Variants in ERC1 observed in about 807,000 individuals in gnomAD.
The protein encoded by ERC1 is RAB6 interacting protein 2.
A neutral mutation model predicts 132.0 loss-of-function variants in ERC1; 56 were observed. The ratio of observed to expected loss-of-function variants is 0.42; its 90% CI spans 0.34 to 0.53. ERC1 has a LOEUF of 0.53. Among genes scored for constraint, ERC1 ranks in the 20% least tolerant of loss-of-function variants. The pLI, the probability that ERC1 is intolerant of heterozygous loss-of-function variation, is 0.03. For missense variants in ERC1, 1,202 were observed against 1,349.9 expected, an observed-to-expected ratio of 0.89 and a Z score of 1.72; for synonymous variants, 478 against 476.1, an observed-to-expected ratio of 1.00 and a Z score of -0.05.
chr12:1,180,215 G>T (rs1213554768), intron 8 of ERC1, among the ~76,000 whole-genome samples: 1 of 151,606 alleles, frequency 6.6e-6, no homozygotes, highest in African/African-American at 2.4e-5. Context: ...CTCTATACTG[G>T]ATCTTTTCTG....
At chr12:1,052,635 T>G (rs1972220448) in intron 2 of ERC1, among the ~76,000 whole-genome samples, 1 of 152,154 alleles carries the variant, frequency 6.6e-6, no homozygotes, top group Non-Finnish European at 1.5e-5. Flanking sequence ...GATTGTATAC[T>G]CCATCTGAGA....
chr12:1,226,466 T>C (rs2074580897), intron 12 of ERC1, among the ~76,000 whole-genome samples: 1 of 152,180 alleles, frequency 6.6e-6, no homozygotes, highest in Non-Finnish European at 1.5e-5. Flanking sequence ...AAATTTCAAG[T>C]GCGCCGAACA....
chr12:1,084,109 C>T (rs972583827), intron 3 of ERC1, among the ~76,000 whole-genome samples: 4 of 152,174 alleles, frequency 2.6e-5, no homozygotes, highest in African/African-American at 9.7e-5. Context: ...GGAGGCATAG[C>T]TGGAGAGAGT....
At chr12:1,388,655 T>C (rs2089653841) in intron 16 of ERC1, among the ~76,000 whole-genome samples, 1 of 152,174 alleles carries the variant, frequency 6.6e-6, no homozygotes, top group Non-Finnish European at 1.5e-5. Context: ...TTTTCTTTTA[T>C]AGATAAATCA....
chr12:1,360,077 C>G (rs947889056), intron 15 of ERC1, among the ~76,000 whole-genome samples: 1 of 152,114 alleles, frequency 6.6e-6, no homozygotes, highest in Non-Finnish European at 1.5e-5. Flanking sequence ...TAGGTACTCC[C>G]TTCTCCTCTG....
chr12:1,494,401 A>G lies in ERC1; in HGVS notation c.*4171A>G. ...GGAAGAATTAGGCAAGAAAAGACAT[A>G]CATTACAGGGAAATCCTTCTGAACA... On this transcript the variant is annotated 3_prime_UTR_variant, in exon 19 of 19. Coordinates refer to ENST00000360905, the MANE Select transcript of ERC1 (RefSeq NM_178040.4). The G allele has an allele frequency of 4.3e-6, 1 of 232,226 alleles. No individual in the cohort carries two copies. The highest frequency in any genetic ancestry group is 6.1e-5 in the East Asian group (1 of 16,422). 14.4% of individuals were successfully genotyped at this position (232,226 alleles called of 1,614,324 possible).
intron 2 of ERC1, among the ~76,000 whole-genome samples, chr12:1,062,593 T>A (rs1361652111): frequency 6.6e-6 from 1 of 152,254 alleles, no homozygotes; most frequent in Non-Finnish European, 1.5e-5. Flanking sequence ...ATTTTAGTTT[T>A]ACAAAATTTG....
intron 7 of ERC1, among the ~76,000 whole-genome samples, chr12:1,133,005 A>G (rs1490299305): frequency 6.6e-6 from 1 of 151,878 alleles, no homozygotes; most frequent in Admixed American, 6.6e-5. Flanking sequence ...ACAGGCATGC[A>G]CCACCACGCC....
chr12:1,114,118 G>C (rs1946186457), intron 6 of ERC1, among the ~76,000 whole-genome samples: 1 of 152,078 alleles, frequency 6.6e-6, no homozygotes. Flanking sequence ...CTGACTCCCT[G>C]GTTCAAGCGA....
chr12:1,382,389 T>G (rs2088787083), intron 16 of ERC1, among the ~76,000 whole-genome samples: 1 of 152,232 alleles, frequency 6.6e-6, no homozygotes, highest in South Asian at 2.1e-4. Context: ...CCAGCTCTCG[T>G]GACCATGTCA....
chr12:1,077,240 A>T (rs931329766), intron 2 of ERC1, among the ~76,000 whole-genome samples: 42 of 152,190 alleles, frequency 2.8e-4, no homozygotes, highest in African/African-American at 9.6e-4. Flanking sequence ...TTTCTCTAAA[A>T]ATATCTCTAG....
chr12:1,386,474 C>G (rs920670801), intron 16 of ERC1: 3 of 151,168 alleles, frequency 2.0e-5, no homozygotes, highest in African/African-American at 4.9e-5. Flanking sequence ...ATGGTGAAAC[C>G]CCGTCTCTAC....
intron 12 of ERC1, among the ~76,000 whole-genome samples, chr12:1,194,790 CAG>C (rs1956062782): frequency 6.6e-6 from 1 of 152,012 alleles, no homozygotes; most frequent in South Asian, 2.1e-4. Flanking sequence ...ATTTAGATAA[CAG>C]AGGTTGCCTT....
At chr12:1,024,663 C>T (rs116585514) in intron 1 of ERC1, among the ~76,000 whole-genome samples, 292 of 151,392 alleles carry the variant, frequency 1.9e-3, no homozygotes, top group African/African-American at 6.9e-3. Context: ...TGACCTAAGC[C>T]AATGCTTTGA....
Position 1,407,819 on chromosome 12 carries a change from T to C in ERC1, c.2926-330T>C, listed in dbSNP as rs9669418. Among the ~76,000 whole-genome samples the C allele has an allele frequency of 7.5e-3, 1,145 of 151,756 alleles. 17 individuals carry two copies. Among genetic ancestry groups the C allele is most frequent in the African/African-American group, 0.026 (1,080 of 41,238 alleles). On this transcript the variant is annotated intron_variant, in intron 16 of 18. Transcript: ENST00000360905. ...ATAAAGAGAAATCCCTCTATTTTTC[T>C]CTTCTTCTTCTTACGAAGCCCAGTC...
chr12:1,237,352 A>G (rs546410898), intron 13 of ERC1, among the ~76,000 whole-genome samples: 40 of 152,096 alleles, frequency 2.6e-4, no homozygotes, highest in African/African-American at 9.6e-4. Context: ...CCTCTTTTTA[A>G]ATATTCAGTT....
intron 15 of ERC1, among the ~76,000 whole-genome samples, chr12:1,323,779 A>G (rs1453100523): frequency 6.6e-6 from 1 of 152,212 alleles, no homozygotes; most frequent in Non-Finnish European, 1.5e-5. Context: ...TATTTTGCTT[A>G]GAAGGAATGA....
At chr12:1,183,254 A>G (rs766383106) in intron 10 of ERC1, 27 bp from the exon 11 acceptor site, 21 of 1,453,694 alleles carry the variant, frequency 1.4e-5, no homozygotes, top group Non-Finnish European at 1.6e-5. Context: ...AAAATTATTT[A>G]TTCTAGATGT....
At chr12:1,267,394 A>G (rs753786657) in intron 14 of ERC1, among the ~76,000 whole-genome samples, 1 of 152,256 alleles carries the variant, frequency 6.6e-6, no homozygotes, top group Non-Finnish European at 1.5e-5. Context: ...AAGGAGCAGT[A>G]TGCTTAGTTC....
Sources: gnomAD v4.1 joint callset for allele counts (sites outside exome capture counted in the v4.1 genomes callset) on GRCh38, gnomAD v4.1.1 for gene constraint, MANE v1.5 for transcripts, NCBI Gene and HGNC (gene_info 2026-07-23, HGNC 2026-07-21) for gene names.